TANC2: variants seen among roughly 807,000 people sequenced by gnomAD.
The protein encoded by TANC2 is tetratricopeptide repeat, ankyrin repeat and coiled-coil containing 2, also known as protein TANC2.
Under a neutral mutation model 210.5 loss-of-function variants are expected in TANC2, and 26 were observed. The observed-to-expected ratio is 0.12, with a 90% CI of 0.09 to 0.17. The LOEUF (loss-of-function observed/expected upper bound fraction) is 0.17, where lower values mean the gene tolerates loss of function less well. TANC2 is among the 10% of genes least tolerant of loss of function. The pLI, the probability that TANC2 is intolerant of heterozygous loss-of-function variation, is 1.00. For missense variants in TANC2, 2,129 were observed against 2,608.9 expected, an observed-to-expected ratio of 0.82 and a Z score of 4.01; for synonymous variants, 931 against 967.1, an observed-to-expected ratio of 0.96 and a Z score of 0.69.
At chr17:63,036,509 G>A (rs2034977988) in intron 2 of TANC2, among the ~76,000 whole-genome samples, 1 of 152,136 alleles carries the variant, frequency 6.6e-6, no homozygotes. Flanking sequence ...CTTGATTACT[G>A]TAGCTTTAGA....
At chr17:63,375,990 G>A (rs1404423782) in intron 14 of TANC2, among the ~76,000 whole-genome samples, 4 of 152,058 alleles carry the variant, frequency 2.6e-5, no homozygotes, top group African/African-American at 9.7e-5. Context: ...TTGGGAGGCT[G>A]AGAGGAGAAT....
chr17:63,141,074 T>G (rs75497039), intron 4 of TANC2, among the ~76,000 whole-genome samples: 1 of 151,956 alleles, frequency 6.6e-6, no homozygotes, highest in Non-Finnish European at 1.5e-5. Flanking sequence ...AAATGAAATA[T>G]TATAATATTT....
In TANC2 at chr17:63,304,574, C is replaced by T. The variant is rs1157942733; in HGVS notation, c.1160-9814C>T. The stretch of plus-strand genomic sequence containing the variant: ...TCAACCAGTTGGGTGGCACGGGGAG[C>T]AGGACCTGTTTATTAACAAAGCACT... On this transcript the variant is annotated intron_variant, in intron 9 of 27. Transcript: ENST00000689528. Among the ~76,000 whole-genome samples the T allele has an allele frequency of 2.0e-5, 3 of 152,150 alleles. No individual in the cohort carries two copies. In the East Asian group the frequency reaches 5.8e-4, roughly 29 times the overall value.
At chr17:63,185,499 G>GTA (rs1357616672) in intron 5 of TANC2, among the ~76,000 whole-genome samples, 2 of 152,108 alleles carry the variant, frequency 1.3e-5, no homozygotes, top group Non-Finnish European at 1.5e-5. Flanking sequence ...TATACAACTA[G>GTA]TAGTGGACTT....
At position 63,276,307 on chromosome 17, in the gene TANC2, C is replaced by G. The variant is rs141972015; in HGVS notation, c.1159+8434C>G. 9.6e-4 allele frequency among the ~76,000 whole-genome samples: 146 copies of G among 152,084 alleles called. 2 individuals are homozygous for G. The Middle Eastern group carries it at 0.027, about 28-fold the overall frequency. ...CCCAAAAATAAATGTTGTATATCAC[C>G]TTAAAAGCCAACACTCTAAGAGCAC... On this transcript the variant is annotated intron_variant, in intron 9 of 27. Transcript: ENST00000689528.
At chr17:63,066,492 A>C (rs1019767340) in intron 2 of TANC2, among the ~76,000 whole-genome samples, 1 of 152,142 alleles carries the variant, frequency 6.6e-6, no homozygotes, top group Non-Finnish European at 1.5e-5. Context: ...TGACCAGGGC[A>C]CAAAAAGAGA....
intron 2 of TANC2, among the ~76,000 whole-genome samples, chr17:63,047,343 A>G (rs2035422828): frequency 6.6e-6 from 1 of 152,314 alleles, no homozygotes; most frequent in African/African-American, 2.4e-5. Context: ...AAGTGAGGTA[A>G]CTGTTAGATT....
At chr17:63,072,590 C>T (rs1229677684) in intron 2 of TANC2, among the ~76,000 whole-genome samples, 1 of 151,928 alleles carries the variant, frequency 6.6e-6, no homozygotes, top group Non-Finnish European at 1.5e-5. Context: ...AATATGGTTG[C>T]CTATCACTTT....
intron 11 of TANC2, among the ~76,000 whole-genome samples, chr17:63,339,821 C>T (rs2046167344): frequency 6.6e-6 from 1 of 151,978 alleles, no homozygotes; most frequent in Admixed American, 6.6e-5. Context: ...TCTTGTAATC[C>T]AGAGGAAAAC....
intron 2 of TANC2, among the ~76,000 whole-genome samples, chr17:63,061,574 T>C (rs2035998335): frequency 6.6e-6 from 1 of 152,186 alleles, no homozygotes; most frequent in African/African-American, 2.4e-5. Flanking sequence ...TGTATATATG[T>C]CTATGTATGC....
Position 63,420,596 on chromosome 17 carries a change from A to G in TANC2, c.4866A>G (p.Arg1622=). The change falls in exon 28 of 28, where the codon AGA becomes AGG. Residue 1622 remains arginine (R), a synonymous_variant. Coordinates refer to ENST00000689528, the Ensembl canonical transcript of TANC2. The surrounding 1 kb of genome is among the most constrained non-coding windows in gnomAD (Gnocchi z 4.2). ...GCCCTCCCCCTTCCCCTCTCCGGAG[A>G]GGCCCTCAGTATCGGGCCAGCCCTC... The G allele has an allele frequency of 6.2e-7, 1 of 1,613,812 alleles. No homozygotes were observed. The highest frequency in any genetic ancestry group is 1.1e-5 in the South Asian group (1 of 91,054).
chr17:63,128,041 C>A (rs1339198112), intron 4 of TANC2, among the ~76,000 whole-genome samples: 1 of 151,984 alleles, frequency 6.6e-6, no homozygotes, highest in Non-Finnish European at 1.5e-5. Context: ...CATTGTACTT[C>A]TTATTATGAT....
At chr17:63,398,320 G>A (rs1458825383) in intron 18 of TANC2, among the ~76,000 whole-genome samples, 1 of 152,064 alleles carries the variant, frequency 6.6e-6, no homozygotes, top group African/African-American at 2.4e-5. Context: ...GCCAGGTGTG[G>A]TGGTGCATGC....
rs570609834 is a variant in TANC2 at position 63,194,348 on chromosome 17, A to G, written c.582+209A>G. On this transcript the variant is annotated intron_variant, in intron 6 of 27. Coordinates refer to ENST00000689528, the Ensembl canonical transcript of TANC2. ...CCACTTTTAGGTTTTGATTGATTTA[A>G]TGAATGAACGAGCAAGCCAACAAAT... Among the ~76,000 whole-genome samples the G allele has an allele frequency of 3.3e-5, 5 of 152,360 alleles. No individual in the cohort carries two copies. In the East Asian group the frequency reaches 9.6e-4, roughly 29 times the overall value.
Position 62,996,980 on chromosome 17 carries a change from A to AT in TANC2, c.-23-12551dup, listed in dbSNP as rs201583644. Among the ~76,000 whole-genome samples the AT allele has an allele frequency of 2.2e-5, 3 of 138,424 alleles. 1 individual carries two copies. The highest frequency in any genetic ancestry group is 2.0e-4 in the East Asian group (1 of 5,104). The allele number at this position is 138,424 out of a possible 152,430, so 90.8% of individuals were successfully genotyped here. On this transcript the variant is annotated intron_variant, in intron 1 of 27. Coordinates refer to ENST00000689528, the Ensembl canonical transcript of TANC2. ...AAGTGCGCACCACCACGTCTGGCTA[A>AT]TTTTTTGTATTTTTAGTATAGATGG...
intron 9 of TANC2, among the ~76,000 whole-genome samples, chr17:63,301,286 G>A (rs1307262088): frequency 6.6e-6 from 1 of 152,130 alleles, no homozygotes; most frequent in African/African-American, 2.4e-5. Flanking sequence ...GATGATGCTG[G>A]CCTCATAAAA....
intron 3 of TANC2, among the ~76,000 whole-genome samples, chr17:63,094,269 T>C (rs183013223): frequency 8.5e-4 from 130 of 152,272 alleles, no homozygotes; most frequent in African/African-American, 3.1e-3. Context: ...ACGTGTGGAC[T>C]TGTAAGGATG....
At chr17:63,185,715 A>G (rs1440802283) in intron 5 of TANC2, among the ~76,000 whole-genome samples, 4 of 152,186 alleles carry the variant, frequency 2.6e-5, no homozygotes, top group Non-Finnish European at 5.9e-5. Flanking sequence ...TATGTGTAGC[A>G]GTATCTCATT....
At chr17:63,105,077 A>G (rs1309365678) in intron 4 of TANC2, among the ~76,000 whole-genome samples, 1 of 151,760 alleles carries the variant, frequency 6.6e-6, no homozygotes, top group East Asian at 1.9e-4. Flanking sequence ...CAGCTATGTC[A>G]AATATGTGTT....
Sources: allele counts gnomAD v4.1 joint callset (sites outside exome capture counted in the v4.1 genomes callset), GRCh38; gene constraint gnomAD v4.1.1; non-coding constraint Gnocchi (gnomAD v3.1); transcripts MANE v1.5; gene names NCBI Gene and HGNC (gene_info 2026-07-23, HGNC 2026-07-21).